LPP: variants seen among roughly 807,000 people sequenced by gnomAD.
LPP encodes the protein LIM domain containing preferred translocation partner in lipoma.
A neutral mutation model predicts 60.4 loss-of-function variants in LPP; 38 were observed. The ratio of observed to expected loss-of-function variants is 0.63; its 90% CI spans 0.49 to 0.83. The LOEUF (loss-of-function observed/expected upper bound fraction) is 0.83, where lower values mean the gene tolerates loss of function less well. LPP is among the 40% of genes least tolerant of loss of function. LPP has a pLI of 0.00. For missense variants in LPP, 902 were observed against 783.6 expected (o/e 1.15, Z -1.80); for synonymous variants, 328 against 290.8 (o/e 1.13, Z -1.30).
chr3:188,177,495 G>A (rs1711000), intron 1 of LPP, among the ~76,000 whole-genome samples: 1,925 of 152,134 alleles, frequency 0.013, 28 homozygotes, highest in African/African-American at 0.044. Context: ...TTTATTTAGC[G>A]GCAAAGACAC....
intron 7 of LPP, among the ~76,000 whole-genome samples, chr3:188,630,313 T>C (rs1324355662): frequency 6.6e-6 from 1 of 152,126 alleles, no homozygotes; most frequent in African/African-American, 2.4e-5. Context: ...GCAAAGGACA[T>C]GAACAGACAT....
rs1338489092 is a variant in LPP at position 188,884,396 on chromosome 3, G to GC, written c.*9919dup. 2 of 230,120 alleles carry GC rather than the reference G, an allele frequency of 8.7e-6. No individual in the cohort carries two copies. The highest frequency in any genetic ancestry group is 1.7e-5 in the Non-Finnish European group (2 of 116,216). 14.3% of individuals were successfully genotyped at this position (230,120 alleles called of 1,614,324 possible). A position where few individuals can be genotyped will look rare whatever the true frequency, so the allele number is the denominator to read the frequency against. On this transcript the variant is annotated 3_prime_UTR_variant, in exon 12 of 12. Transcript: ENST00000617246. ...AGGGAAATTCAGAGACCAATTGACT[G>GC]CCAGGTGGCAAATCCACATGTGTAC... is the stretch of plus-strand genomic sequence containing the variant.
chr3:188,294,024 C>T (rs1746957846), intron 2 of LPP, among the ~76,000 whole-genome samples: 2 of 144,922 alleles, frequency 1.4e-5, no homozygotes, highest in South Asian at 2.2e-4. Context: ...CGAGATCTGC[C>T]CTCCAGCCTG....
intron 3 of LPP, among the ~76,000 whole-genome samples, chr3:188,371,717 C>T (rs555393022): frequency 2.4e-4 from 31 of 127,764 alleles, no homozygotes; most frequent in South Asian, 5.3e-4. Context: ...TGCAGTGGCG[C>T]GATCTCAACT....
chr3:188,461,836 A>T (rs909710192), intron 4 of LPP, among the ~76,000 whole-genome samples: 1 of 152,104 alleles, frequency 6.6e-6, no homozygotes, highest in Admixed American at 6.6e-5. Flanking sequence ...GGCTGTTTTC[A>T]GTTTTTATCT....
At chr3:188,414,972 T>C (rs13433794) in intron 4 of LPP, among the ~76,000 whole-genome samples, 3,618 of 152,234 alleles carry the variant, frequency 0.024, 74 homozygotes, top group Non-Finnish European at 0.036. Context: ...GAGAAGTCCC[T>C]GTATTGTTGA....
chr3:188,667,519 C>G (rs1402136404), intron 7 of LPP, among the ~76,000 whole-genome samples: 1 of 151,442 alleles, frequency 6.6e-6, no homozygotes, highest in African/African-American at 2.4e-5. Flanking sequence ...ACATAGATTC[C>G]CTTTTGACAG....
At chr3:188,336,892 T>G (rs2150585911) in intron 2 of LPP, among the ~76,000 whole-genome samples, 1 of 152,254 alleles carries the variant, frequency 6.6e-6, no homozygotes, top group East Asian at 1.9e-4. Context: ...AGGGACAATA[T>G]GCCACTTCAG....
intron 8 of LPP, among the ~76,000 whole-genome samples, chr3:188,752,457 CTG>C (rs1165641460): frequency 1.3e-5 from 2 of 152,192 alleles, no homozygotes; most frequent in African/African-American, 4.8e-5. Flanking sequence ...TTACATCTAA[CTG>C]TTCAAAAGAT....
intron 7 of LPP, among the ~76,000 whole-genome samples, chr3:188,677,521 C>T (rs918655804): frequency 1.3e-5 from 2 of 152,100 alleles, no homozygotes; most frequent in Non-Finnish European, 2.9e-5. Context: ...TAGAGAAATA[C>T]TTGTTGAATC....
chr3:188,399,258 C>T (rs564267531), intron 3 of LPP, among the ~76,000 whole-genome samples: 23 of 152,084 alleles, frequency 1.5e-4, no homozygotes, highest in South Asian at 8.3e-4. Flanking sequence ...AATGGAGAGC[C>T]GTATAGCCCA....
intron 3 of LPP, among the ~76,000 whole-genome samples, chr3:188,372,927 A>C (rs1014639798): frequency 1.3e-5 from 2 of 151,774 alleles, no homozygotes; most frequent in African/African-American, 4.8e-5. Flanking sequence ...CTCATTGTTC[A>C]ATTCCCACCT....
At chr3:188,355,894 AT>A (rs1306731560) in intron 3 of LPP, among the ~76,000 whole-genome samples, 1 of 152,192 alleles carries the variant, frequency 6.6e-6, no homozygotes, top group East Asian at 1.9e-4. Flanking sequence ...CAAGGAGCAC[AT>A]TTGAGTTGCG....
At chr3:188,268,268 AAAAC>A (rs1425207586) in intron 2 of LPP, among the ~76,000 whole-genome samples, 2 of 150,008 alleles carry the variant, frequency 1.3e-5, no homozygotes, top group African/African-American at 5.0e-5. Context: ...AGGAGACTGT[AAAAC>A]AAACAAAAAC....
intron 7 of LPP, among the ~76,000 whole-genome samples, chr3:188,661,255 G>A (rs1263677849): frequency 1.3e-5 from 2 of 152,230 alleles, no homozygotes; most frequent in South Asian, 2.1e-4. Flanking sequence ...GGACATCTTA[G>A]TTGTTTCCAA....
At chr3:188,216,303 A>C (rs1577339774) in intron 1 of LPP, among the ~76,000 whole-genome samples, 9 of 121,946 alleles carry the variant, frequency 7.4e-5, no homozygotes, top group Admixed American at 2.1e-4. Flanking sequence ...ATGGAGTCTC[A>C]CTCTCTTGCC....
chr3:188,572,162 G>A lies in LPP; in HGVS notation c.430-36999G>A, dbSNP rs1833679782. Among the ~76,000 whole-genome samples the A allele has an allele frequency of 6.6e-6, 1 of 151,996 alleles. No homozygotes were observed. Among genetic ancestry groups the A allele is most frequent in the South Asian group, 2.1e-4 (1 of 4,824 alleles). ...TTAAACGTAAAGAAATTTTTGGAAT[G>A]CTTTCATTTGTTGCACTTATATTTT... On this transcript the variant is annotated intron_variant, in intron 6 of 11. Transcript: ENST00000617246. The surrounding 1 kb of genome is among the most constrained non-coding windows in gnomAD (Gnocchi z 4.1).
chr3:188,396,853 A>G (rs1465937708), intron 3 of LPP, among the ~76,000 whole-genome samples: 1 of 152,198 alleles, frequency 6.6e-6, no homozygotes, highest in African/African-American at 2.4e-5. Context: ...CACTCCACAG[A>G]CTAGCCATAA....
At chr3:188,802,508 C>T (rs1388003242) in intron 9 of LPP, among the ~76,000 whole-genome samples, 1 of 152,160 alleles carries the variant, frequency 6.6e-6, no homozygotes, top group Non-Finnish European at 1.5e-5. Context: ...AATGGCTGGG[C>T]ACGGTGGCTC....
Sources: gnomAD v4.1 joint callset for allele counts (sites outside exome capture counted in the v4.1 genomes callset) on GRCh38, gnomAD v4.1.1 for gene constraint, Gnocchi (gnomAD v3.1) non-coding constraint, MANE v1.5 for transcripts, NCBI Gene and HGNC (gene_info 2026-07-23, HGNC 2026-07-21) for gene names.